The following MEI4 variants were observed in gnomAD, a reference collection of about 807,000 sequenced individuals.
The protein encoded by MEI4 is meiosis-specific protein MEI4.
Under a neutral mutation model 31.4 loss-of-function variants are expected in MEI4, and 27 were observed. That is an observed-to-expected ratio of 0.86 (90% CI 0.63 to 1.19). MEI4 has a LOEUF of 1.19. MEI4 is among the 50% of genes most tolerant of loss of function. The pLI is 0.00. For synonymous variants in MEI4, 122 were observed against 145.4 expected (o/e 0.84, Z 1.16); for missense variants, 329 against 398.9 (o/e 0.82, Z 1.49).
intron 1 of MEI4, among the ~76,000 whole-genome samples, chr6:77,678,007 T>C (rs756523520): frequency 1.3e-5 from 2 of 152,208 alleles, no homozygotes; most frequent in Non-Finnish European, 2.9e-5. Flanking sequence ...CAGCAGGAGC[T>C]ACTTTGAAAA....
chr6:77,828,402 T>C (rs1770005384), intron 3 of MEI4, among the ~76,000 whole-genome samples: 1 of 152,006 alleles, frequency 6.6e-6, no homozygotes, highest in Admixed American at 6.6e-5. Flanking sequence ...CAAACCCTAT[T>C]GTGAACTGTG....
chr6:77,811,937 T>C (rs895705241), intron 3 of MEI4, among the ~76,000 whole-genome samples: 1 of 152,208 alleles, frequency 6.6e-6, no homozygotes, highest in Admixed American at 6.5e-5. Flanking sequence ...ATATTTGATA[T>C]GTGTATGTGA....
In MEI4 at chr6:77,898,492, T is replaced by A. The variant is rs144051807; in HGVS notation, c.901-24597T>A. ...CAGTGAACATTTAGTTTAACATTTA[T>A]GTTATATGGCTGTGCTCCTTGACTT... On this transcript the variant is annotated intron_variant, in intron 4 of 4. Coordinates refer to ENST00000684080, the MANE Select transcript of MEI4 (RefSeq NM_001322247.2). Among the ~76,000 whole-genome samples, 213 of 152,146 alleles carry A rather than the reference T, an allele frequency of 1.4e-3. 1 individual carries two copies. Among genetic ancestry groups the A allele is most frequent in the African/African-American group, 4.5e-3 (187 of 41,540 alleles).
At chr6:77,743,994 G>A (rs1265373466) in intron 2 of MEI4, among the ~76,000 whole-genome samples, 1 of 152,128 alleles carries the variant, frequency 6.6e-6, no homozygotes, top group African/African-American at 2.4e-5. Context: ...AAGACCAAAA[G>A]TAGATAAAAC....
chr6:77,805,089 A>G (rs1769393344), intron 3 of MEI4, among the ~76,000 whole-genome samples: 2 of 152,200 alleles, frequency 1.3e-5, no homozygotes, highest in African/African-American at 4.8e-5. Context: ...AATAGAAGAT[A>G]TTTTTATATT....
At chr6:77,797,916 T>C (rs573608838) in intron 3 of MEI4, among the ~76,000 whole-genome samples, 39 of 152,200 alleles carry the variant, frequency 2.6e-4, no homozygotes, top group African/African-American at 9.2e-4. Context: ...TTCAATCCAA[T>C]TAAGTTGACA....
intron 3 of MEI4, among the ~76,000 whole-genome samples, chr6:77,790,592 T>A (rs9361284): frequency 0.16 from 23,994 of 151,848 alleles, 2,292 homozygotes; most frequent in East Asian, 0.39. Flanking sequence ...AAAATACATA[T>A]TGAAAACTTC....
At chr6:77,755,471 T>C (rs1246472581) in intron 2 of MEI4, among the ~76,000 whole-genome samples, 1 of 151,800 alleles carries the variant, frequency 6.6e-6, no homozygotes, top group African/African-American at 2.4e-5. Context: ...CAGGCTGGAG[T>C]GCAGTGGCAC....
At chr6:77,737,495 G>A (rs1767283585) in intron 2 of MEI4, among the ~76,000 whole-genome samples, 1 of 152,194 alleles carries the variant, frequency 6.6e-6, no homozygotes, top group Non-Finnish European at 1.5e-5. Flanking sequence ...GTTCCTAAGG[G>A]CATGGACAGA....
intron 4 of MEI4, among the ~76,000 whole-genome samples, chr6:77,884,133 C>T (rs1771567538): frequency 6.6e-6 from 1 of 151,982 alleles, no homozygotes. Flanking sequence ...TTTCCTTATA[C>T]CTATTGCCCA....
intron 3 of MEI4, among the ~76,000 whole-genome samples, chr6:77,814,185 T>C (rs1403531155): frequency 6.6e-6 from 1 of 152,072 alleles, no homozygotes. Context: ...GAGATTTTGA[T>C]ATAGGGTTTC....
chr6:77,666,880 T>TGTGTGTGC (rs1554208081), intron 1 of MEI4, among the ~76,000 whole-genome samples: 39 of 147,664 alleles, frequency 2.6e-4, no homozygotes, highest in African/African-American at 6.8e-4. Flanking sequence ...TGTGTGTGTG[T>TGTGTGTGC]GTGCGTGCGT....
intron 1 of MEI4, among the ~76,000 whole-genome samples, chr6:77,680,294 A>G (rs1025965553): frequency 2.7e-5 from 4 of 150,942 alleles, no homozygotes; most frequent in African/African-American, 9.8e-5. Context: ...AAAATAAAAA[A>G]AAAATAAAAG....
intron 2 of MEI4, among the ~76,000 whole-genome samples, chr6:77,735,910 G>T (rs184653909): frequency 2.0e-5 from 3 of 151,940 alleles, no homozygotes; most frequent in Admixed American, 1.3e-4. Flanking sequence ...GTGTCAGTCT[G>T]CCCCTGCTGG....
At chr6:77,840,052 A>C (rs1207905436) in intron 4 of MEI4, among the ~76,000 whole-genome samples, 2 of 152,226 alleles carry the variant, frequency 1.3e-5, no homozygotes, top group African/African-American at 2.4e-5. Context: ...AAATGAATGA[A>C]ATGGTAGAAA....
At chr6:77,830,654 A>AC (rs1372807451) in intron 4 of MEI4, among the ~76,000 whole-genome samples, 1 of 152,106 alleles carries the variant, frequency 6.6e-6, no homozygotes, top group Non-Finnish European at 1.5e-5. Flanking sequence ...TGCATTGGCC[A>AC]AAGGGCAGTA....
chr6:77,853,409 A>G (rs7742287), intron 4 of MEI4, among the ~76,000 whole-genome samples: 9 of 152,204 alleles, frequency 5.9e-5, no homozygotes, highest in African/African-American at 1.2e-4. Context: ...GTTCATTTTA[A>G]TAATAGCAAA....
intron 2 of MEI4, among the ~76,000 whole-genome samples, chr6:77,740,939 A>G (rs1767384800): frequency 6.6e-6 from 1 of 152,190 alleles, no homozygotes; most frequent in South Asian, 2.1e-4. Context: ...TACAATAGGG[A>G]GTCACTAAAA....
chr6:77,675,680 TATC>T (rs1335000936), intron 1 of MEI4, among the ~76,000 whole-genome samples: 1 of 152,116 alleles, frequency 6.6e-6, no homozygotes, highest in Non-Finnish European at 1.5e-5. Context: ...ATCTCAATAC[TATC>T]ATCTGTAAAT....
Sources: gnomAD v4.1 joint callset for allele counts (sites outside exome capture counted in the v4.1 genomes callset) on GRCh38, gnomAD v4.1.1 for gene constraint, MANE v1.5 for transcripts, NCBI Gene and HGNC (gene_info 2026-07-23, HGNC 2026-07-21) for gene names.